The following WDR72 variants were observed in gnomAD, a reference collection of about 807,000 sequenced individuals.
WDR72 encodes the protein WD repeat-containing protein 72.
WDR72 carries 120 observed loss-of-function variants against 124.2 expected under a neutral mutation model. That is an observed-to-expected ratio of 0.97 (90% CI 0.83 to 1.12). The LOEUF (loss-of-function observed/expected upper bound fraction) is 1.12, where lower values mean the gene tolerates loss of function less well. WDR72 is among the 50% of genes most tolerant of loss of function. The probability of loss-of-function intolerance (pLI) is 0.00; values close to 1 mark genes in which losing one functional copy is unlikely to be tolerated. For missense variants in WDR72, 1,387 were observed against 1,278.8 expected (o/e 1.08, Z -1.29); for synonymous variants, 452 against 441.7 (o/e 1.02, Z -0.29).
At chr15:53,560,055 C>G (rs1051426051) in intron 18 of WDR72, among the ~76,000 whole-genome samples, 3 of 151,848 alleles carry the variant, frequency 2.0e-5, no homozygotes, top group Non-Finnish European at 2.9e-5. Flanking sequence ...ATCACAACTC[C>G]ACAGACAAGT....
chr15:53,718,821 T>C (rs1360714740), intron 3 of WDR72, among the ~76,000 whole-genome samples: 4 of 149,860 alleles, frequency 2.7e-5, no homozygotes, highest in Non-Finnish European at 6.0e-5. Flanking sequence ...TTAAGATTTT[T>C]AAAAATTTTA....
intron 19 of WDR72, among the ~76,000 whole-genome samples, chr15:53,521,376 G>A (rs576635830): frequency 1.3e-5 from 2 of 152,172 alleles, no homozygotes; most frequent in South Asian, 2.1e-4. Flanking sequence ...CAAATTCTCA[G>A]TGGAAGGCAG....
intron 18 of WDR72, among the ~76,000 whole-genome samples, chr15:53,595,155 C>A (rs930443979): frequency 1.3e-5 from 2 of 152,084 alleles, no homozygotes; most frequent in African/African-American, 4.8e-5. Flanking sequence ...TAATTCTTAT[C>A]ACAGATTAAC....
chr15:53,651,231 G>A (rs1367419375), intron 14 of WDR72, among the ~76,000 whole-genome samples: 4 of 152,062 alleles, frequency 2.6e-5, no homozygotes, highest in African/African-American at 4.8e-5. Context: ...AGAATCTCTG[G>A]TTCTTTCTTG....
At chr15:53,681,146 T>C (rs947542699) in intron 13 of WDR72, among the ~76,000 whole-genome samples, 9 of 152,238 alleles carry the variant, frequency 5.9e-5, no homozygotes, top group Non-Finnish European at 1.0e-4. Context: ...CCAGTATCCT[T>C]TATCTCTCAG....
At chr15:53,582,637 T>C (rs1343411517) in intron 18 of WDR72, among the ~76,000 whole-genome samples, 1 of 152,002 alleles carries the variant, frequency 6.6e-6, no homozygotes, top group Non-Finnish European at 1.5e-5. Context: ...AATAGATGAT[T>C]TAATGGTCAA....
intron 14 of WDR72, among the ~76,000 whole-genome samples, chr15:53,643,815 G>A (rs1215538280): frequency 6.6e-6 from 1 of 151,782 alleles, no homozygotes; most frequent in Non-Finnish European, 1.5e-5. Flanking sequence ...ATCTAACCTA[G>A]AGTACCCTGT....
intron 11 of WDR72, among the ~76,000 whole-genome samples, chr15:53,704,412 TATAA>T (rs1257836717): frequency 6.6e-6 from 1 of 152,070 alleles, no homozygotes; most frequent in Non-Finnish European, 1.5e-5. Context: ...TCAAGAAGAG[TATAA>T]ATAAACTGTT....
chr15:53,655,303 T>C (rs895896858), intron 14 of WDR72, among the ~76,000 whole-genome samples: 1 of 150,502 alleles, frequency 6.6e-6, no homozygotes, highest in African/African-American at 2.4e-5. Flanking sequence ...AACCTGACTT[T>C]ATAATTGATC....
intron 18 of WDR72, among the ~76,000 whole-genome samples, chr15:53,556,844 C>G (rs1893951745): frequency 6.6e-6 from 1 of 152,026 alleles, no homozygotes; most frequent in South Asian, 2.1e-4. Context: ...ATGCTGAGTA[C>G]ATGTGGAAAG....
chr15:53,523,385 A>G lies in WDR72; in HGVS notation c.3149-63T>C, dbSNP rs1891916835. ...AGAGAGGATGAAAAAGTAGTAGCAA[A>G]CACCATTAAAACATTTCCTTTCAGT... is the stretch of plus-strand genomic sequence containing the variant. On this transcript the variant is annotated intron_variant, in intron 18 of 19. Transcript: ENST00000360509. 4 of 1,486,346 alleles carry G rather than the reference A, an allele frequency of 2.7e-6. No individual in the cohort carries two copies. The East Asian group carries it at 9.0e-5, about 34-fold the overall frequency. The allele number at this position is 1,486,346 out of a possible 1,614,324, so 92.1% of individuals were successfully genotyped here.
intron 1 of WDR72, among the ~76,000 whole-genome samples, chr15:53,757,897 G>C (rs1277224443): frequency 6.6e-6 from 1 of 152,104 alleles, no homozygotes; most frequent in African/African-American, 2.4e-5. Flanking sequence ...TAGAACGTCA[G>C]ATTTCTAAAG....
At chr15:53,724,489 C>T (rs557667398) in intron 2 of WDR72, among the ~76,000 whole-genome samples, 1 of 152,278 alleles carries the variant, frequency 6.6e-6, no homozygotes, top group African/African-American at 2.4e-5. Context: ...GGGAAACTTA[C>T]AATCATGGTG....
chr15:53,526,526 C>G (rs1447454635), intron 18 of WDR72, among the ~76,000 whole-genome samples: 1 of 152,034 alleles, frequency 6.6e-6, no homozygotes, highest in Admixed American at 6.6e-5. Context: ...CTGCTGTTAG[C>G]TAATTCTTCT....
chr15:53,675,721 G>A (rs1224985533), intron 13 of WDR72, among the ~76,000 whole-genome samples: 16 of 152,132 alleles, frequency 1.1e-4, no homozygotes, highest in Admixed American at 9.8e-4. Flanking sequence ...TGCTTCTGGT[G>A]TCAATTAATT....
chr15:53,572,982 G>C (rs1219503068), intron 18 of WDR72, among the ~76,000 whole-genome samples: 1 of 152,168 alleles, frequency 6.6e-6, no homozygotes, highest in African/African-American at 2.4e-5. Context: ...TTGCTTTATT[G>C]AATACCAGCG....
rs35789605 is a variant in WDR72 at position 53,613,946 on chromosome 15, C to CTTAT, written c.2781-193_2781-190dup. 0.44 allele frequency among the ~76,000 whole-genome samples: 65,854 copies of CTTAT among 151,150 alleles called. 14,610 individuals carry two copies. Among genetic ancestry groups the CTTAT allele is most frequent in the Middle Eastern group, 0.59 (173 of 294 alleles). The stretch of plus-strand genomic sequence containing the variant: ...TCCTCACTTTGCTCCCACCTAAAAT[C>CTTAT]TTATTTATTTATTTTTTTAGGCTCC... On this transcript the variant is annotated intron_variant, in intron 15 of 19. Transcript: ENST00000360509.
chr15:53,584,713 A>G (rs571759981), intron 18 of WDR72, among the ~76,000 whole-genome samples: 5 of 152,012 alleles, frequency 3.3e-5, no homozygotes, highest in Admixed American at 6.6e-5. Context: ...TTTTCATTCC[A>G]GGTATCTCAC....
chr15:53,518,299 G>A (rs1052520169), intron 19 of WDR72, among the ~76,000 whole-genome samples: 14 of 151,958 alleles, frequency 9.2e-5, no homozygotes, highest in African/African-American at 3.1e-4. Flanking sequence ...AAACTAATTG[G>A]AACATTGTTC....
Sources: gnomAD v4.1 joint callset for allele counts (sites outside exome capture counted in the v4.1 genomes callset) on GRCh38, gnomAD v4.1.1 for gene constraint, MANE v1.5 for transcripts, NCBI Gene and HGNC (gene_info 2026-07-23, HGNC 2026-07-21) for gene names.